Variants in MSH3 observed in about 807,000 individuals in gnomAD.
MSH3 encodes the protein DNA mismatch repair protein Msh3.
In MSH3, 106 loss-of-function variants were observed where a neutral mutation model predicts 123.3. The ratio of observed to expected loss-of-function variants is 0.86; its 90% confidence interval spans 0.73 to 1.01. The LOEUF (loss-of-function observed/expected upper bound fraction) is 1.01, where lower values mean the gene tolerates loss of function less well. Among genes scored for constraint, MSH3 ranks in the 50% least tolerant of loss-of-function variants. The probability of loss-of-function intolerance (pLI) is 0.00; values close to 1 mark genes in which losing one functional copy is unlikely to be tolerated. For synonymous variants in MSH3, 515 were observed against 481.4 expected (o/e 1.07, Z -0.91); for missense variants, 1,459 against 1,347.6 (o/e 1.08, Z -1.29).
intron 23 of MSH3, among the ~76,000 whole-genome samples, chr5:80,875,281 A>G (rs1746286782): frequency 6.6e-6 from 1 of 151,942 alleles, no homozygotes; most frequent in Non-Finnish European, 1.5e-5. Flanking sequence ...CTAGCTCCAT[A>G]CCCTAAATAG....
rs867452772 is a variant in MSH3 at position 80,691,826 on chromosome 5, T to A, written c.1340+12733T>A. Among the ~76,000 whole-genome samples, 10 of 147,962 alleles carry A rather than the reference T, an allele frequency of 6.8e-5. 2 individuals carry two copies. The highest frequency in any genetic ancestry group is 2.5e-4 in the African/African-American group (10 of 40,810). The stretch of plus-strand genomic sequence containing the variant: ...ATATCTAAATATATATGTATGTTTA[T>A]ATAGATAAATAAACATGTATATATT... On this transcript the variant is annotated intron_variant, in intron 8 of 23. Transcript: ENST00000265081.
intron 21 of MSH3, among the ~76,000 whole-genome samples, 158 bp from the exon 22 acceptor site, chr5:80,864,655 A>G (rs945366342): frequency 6.6e-6 from 1 of 152,226 alleles, no homozygotes; most frequent in African/African-American, 2.4e-5. Context: ...AATATTAACA[A>G]TTGATTATCT....
intron 8 of MSH3, among the ~76,000 whole-genome samples, chr5:80,682,823 T>C (rs185928385): frequency 2.7e-5 from 4 of 150,334 alleles, no homozygotes; most frequent in African/African-American, 9.8e-5. Context: ...GGTCTTATTC[T>C]TTCTATTTTT....
Position 80,767,965 on chromosome 5 carries a change from A to G in MSH3, c.1929A>G (p.Lys643=), listed in dbSNP as rs761270831. ...CSTQEFFLIV[K]TLYHLKSEFQ... ...CCCAAGAGTTCTTCTTGATTGTCAA[A>G]ACTTTATATCACCTAAAGTCAGAAT... Residue 643 remains lysine, a synonymous_variant, in exon 14 of 24, where the codon AAA becomes AAG. Transcript: ENST00000265081. The G allele has an allele frequency of 7.4e-6, 12 of 1,612,710 alleles. No homozygotes were observed. In the African/African-American group the frequency reaches 9.4e-5, roughly 13 times the overall value.
chr5:80,659,154 A>G (rs1340910850), intron 2 of MSH3, among the ~76,000 whole-genome samples: 1 of 151,400 alleles, frequency 6.6e-6, no homozygotes. Context: ...GAATCCCTTG[A>G]GTCTGGAAGG....
chr5:80,699,131 T>G (rs975679290), intron 8 of MSH3, among the ~76,000 whole-genome samples: 1 of 152,128 alleles, frequency 6.6e-6, no homozygotes, highest in Non-Finnish European at 1.5e-5. Context: ...TCAAAGTAGC[T>G]CACACATAAT....
intron 20 of MSH3, among the ~76,000 whole-genome samples, chr5:80,848,023 G>A (rs1745754532): frequency 6.6e-6 from 1 of 152,172 alleles, no homozygotes; most frequent in Non-Finnish European, 1.5e-5. Flanking sequence ...CTTGAGCCCA[G>A]GTGTTGTGAC....
chr5:80,836,774 T>C (rs74411836), intron 20 of MSH3, among the ~76,000 whole-genome samples: 15,897 of 151,478 alleles, frequency 0.1, 1,006 homozygotes, highest in South Asian at 0.15. Context: ...CTATACTGTA[T>C]TATTTTTAAC....
chr5:80,718,596 C>T (rs1170681840), intron 8 of MSH3, among the ~76,000 whole-genome samples: 1 of 149,978 alleles, frequency 6.7e-6, no homozygotes, highest in Non-Finnish European at 1.5e-5. Context: ...TAAGATATTC[C>T]TCTGTATTTT....
At chr5:80,860,474 G>T (rs1745997349) in intron 21 of MSH3, among the ~76,000 whole-genome samples, 2 of 143,852 alleles carry the variant, frequency 1.4e-5, no homozygotes, top group Non-Finnish European at 1.5e-5. Context: ...CAAAACTTTA[G>T]ATATTTTACT....
At chr5:80,693,566 A>C (rs1750389683) in intron 8 of MSH3, among the ~76,000 whole-genome samples, 1 of 144,218 alleles carries the variant, frequency 6.9e-6, no homozygotes, top group Non-Finnish European at 1.5e-5. Context: ...TGTTTATATA[A>C]ATATATATGC....
At chr5:80,798,672 G>A (rs1744739932) in intron 19 of MSH3, among the ~76,000 whole-genome samples, 1 of 152,132 alleles carries the variant, frequency 6.6e-6, no homozygotes, top group Non-Finnish European at 1.5e-5. Flanking sequence ...AACATTAATG[G>A]CAATTGAATA....
At chr5:80,665,953 G>A (rs1261934706) in intron 3 of MSH3, among the ~76,000 whole-genome samples, 1 of 152,154 alleles carries the variant, frequency 6.6e-6, no homozygotes, top group Admixed American at 6.5e-5. Flanking sequence ...GGAATCACCT[G>A]GAGAACTTCA....
chr5:80,765,564 A>C (rs1450285887), intron 13 of MSH3, among the ~76,000 whole-genome samples: 1 of 152,124 alleles, frequency 6.6e-6, no homozygotes, highest in Non-Finnish European at 1.5e-5. Context: ...ACTATCTATT[A>C]TGTGCCTTAT....
chr5:80,818,297 A>G (rs1745140434), intron 20 of MSH3, among the ~76,000 whole-genome samples: 1 of 151,090 alleles, frequency 6.6e-6, no homozygotes, highest in Non-Finnish European at 1.5e-5. Flanking sequence ...ATAGAGGAAC[A>G]TGTTAAACAC....
intron 8 of MSH3, among the ~76,000 whole-genome samples, chr5:80,716,381 C>CT (rs952119109): frequency 1.1e-4 from 16 of 151,078 alleles, no homozygotes; most frequent in African/African-American, 1.9e-4. Context: ...AAATGGAAGT[C>CT]TTTTTTTTTA....
chr5:80,861,024 G>A (rs568703416), intron 21 of MSH3, among the ~76,000 whole-genome samples: 1 of 152,110 alleles, frequency 6.6e-6, no homozygotes, highest in South Asian at 2.1e-4. Context: ...TTTTTTCTTA[G>A]AATATGCATC....
At position 80,792,032 on chromosome 5, in the gene MSH3, G is replaced by A. The variant is rs570589807; in HGVS notation, c.2544-701G>A. Among the ~76,000 whole-genome samples, 14 of 152,278 alleles carry A rather than the reference G, an allele frequency of 9.2e-5. No individual in the cohort carries two copies. The South Asian group carries it at 1.9e-3, about 20-fold the overall frequency. Reference sequence around the variant, plus strand: ...ATCAAAGTAAAAGATACAAAAGACCGTAGAAAGATGTTTTAATTGAACAGC... The same window carrying A: ...ATCAAAGTAAAAGATACAAAAGACCATAGAAAGATGTTTTAATTGAACAGC... On this transcript the variant is annotated intron_variant, in intron 18 of 23. Transcript: ENST00000265081.
chr5:80,680,807 C>T (rs1442877143), intron 8 of MSH3, among the ~76,000 whole-genome samples: 1 of 152,062 alleles, frequency 6.6e-6, no homozygotes, highest in Non-Finnish European at 1.5e-5. Context: ...TCTAATATTT[C>T]AGTAGGTACC....
Sources: gnomAD v4.1 joint callset for allele counts (sites outside exome capture counted in the v4.1 genomes callset) on GRCh38, gnomAD v4.1.1 for gene constraint, MANE v1.5 for transcripts, NCBI Gene and HGNC (gene_info 2026-07-23, HGNC 2026-07-21) for gene names.